PLCE1: variants seen among roughly 807,000 people sequenced by gnomAD.
PLCE1 encodes 1-phosphatidylinositol 4,5-bisphosphate phosphodiesterase epsilon-1.
Under a neutral mutation model 242.8 loss-of-function variants are expected in PLCE1, and 119 were observed. The ratio of observed to expected loss-of-function variants is 0.49; its 90% CI spans 0.42 to 0.57. The LOEUF (loss-of-function observed/expected upper bound fraction) is 0.57, where lower values mean the gene tolerates loss of function less well. Among genes scored for constraint, PLCE1 ranks in the 20% least tolerant of loss-of-function variants. PLCE1 has a pLI of 0.00. For synonymous variants in PLCE1, 945 were observed against 1,017.4 expected (o/e 0.93, Z 1.35); for missense variants, 2,441 against 2,788.8 (o/e 0.88, Z 2.81).
chr10:94,086,381 T>A (rs956343863), intron 2 of PLCE1, among the ~76,000 whole-genome samples: 2 of 152,220 alleles, frequency 1.3e-5, no homozygotes, highest in African/African-American at 4.8e-5. Context: ...TCTGATTTGC[T>A]TGTAAGCCAA....
At chr10:94,169,813 G>A (rs2047916738) in intron 3 of PLCE1, among the ~76,000 whole-genome samples, 1 of 152,186 alleles carries the variant, frequency 6.6e-6, no homozygotes, top group Admixed American at 6.5e-5. Context: ...GGAATGGATG[G>A]TTTGAGTCTG....
At chr10:94,184,924 A>T (rs139307056) in intron 4 of PLCE1, among the ~76,000 whole-genome samples, 170 of 152,246 alleles carry the variant, frequency 1.1e-3, no homozygotes, top group African/African-American at 3.9e-3. Flanking sequence ...TATGCATGGT[A>T]CCATCTATAT....
intron 28 of PLCE1, among the ~76,000 whole-genome samples, chr10:94,314,443 C>T (rs764882877): frequency 2.6e-5 from 4 of 152,060 alleles, no homozygotes; most frequent in Non-Finnish European, 5.9e-5. Flanking sequence ...ACTAAAAATA[C>T]AAATATTAGG....
intron 1 of PLCE1, among the ~76,000 whole-genome samples, chr10:94,020,605 A>C (rs189485291): frequency 6.6e-6 from 1 of 151,852 alleles, no homozygotes; most frequent in Non-Finnish European, 1.5e-5. Context: ...TTTAGCTTTT[A>C]TGTGTCGGAC....
chr10:94,295,257 C>T (rs777457595), intron 23 of PLCE1, among the ~76,000 whole-genome samples: 3 of 152,018 alleles, frequency 2.0e-5, no homozygotes, highest in Non-Finnish European at 2.9e-5. Flanking sequence ...TCTCAAACCC[C>T]ACTGCTGCTT....
chr10:94,161,724 G>C (rs918409001), intron 3 of PLCE1, among the ~76,000 whole-genome samples: 2 of 152,126 alleles, frequency 1.3e-5, no homozygotes, highest in African/African-American at 2.4e-5. Flanking sequence ...GGGCATCCCT[G>C]TCTTGTGCCA....
rs773797305 is a variant in PLCE1, at chr10:94,324,387, C to T, written c.6540C>T (p.Ser2180=). ...CKAKYSYSIL[S]NPNPSDYVLL... ...CCAAATATTCCTACAGCATCCTGAG[C>T]AACCCCAATCCAAGCGACTATGTGC... The change falls in exon 31 of 33, where the codon AGC becomes AGT. Residue 2180 remains serine (S), a synonymous_variant. Coordinates refer to ENST00000371380, the MANE Select transcript of PLCE1 (RefSeq NM_016341.4). 4 of 1,614,152 alleles carry T rather than the reference C, an allele frequency of 2.5e-6. No individual in the cohort carries two copies. The highest frequency in any genetic ancestry group is 8.5e-7 in the Non-Finnish European group (1 of 1,180,006).
At chr10:94,152,318 T>C (rs1466763413) in intron 3 of PLCE1, among the ~76,000 whole-genome samples, 1 of 152,236 alleles carries the variant, frequency 6.6e-6, no homozygotes, top group African/African-American at 2.4e-5. Flanking sequence ...ATTGCTAGAT[T>C]AGATACATCG....
At position 94,245,900 on chromosome 10, in the gene PLCE1, C is replaced by A. The variant is rs755806503; in HGVS notation, c.2421-46C>A. 8 of 1,483,446 alleles carry A rather than the reference C, an allele frequency of 5.4e-6. No homozygotes were observed. The Admixed American group carries it at 1.3e-4, about 25-fold the overall frequency. The allele number at this position is 1,483,446 out of a possible 1,614,324, so 91.9% of individuals were successfully genotyped here. A position where few individuals can be genotyped will look rare whatever the true frequency, so the allele number is the denominator to read the frequency against. On this transcript the variant is annotated intron_variant, in intron 7 of 32. Coordinates refer to ENST00000371380, the MANE Select transcript of PLCE1 (RefSeq NM_016341.4). ...TCAGTGAAAATGTCTTTGGGTTGTT[C>A]TCACTTGATTATAAGACAAACCAAA...
intron 1 of PLCE1, among the ~76,000 whole-genome samples, chr10:94,001,177 G>T (rs967191023): frequency 1.3e-5 from 2 of 152,174 alleles, no homozygotes; most frequent in Admixed American, 6.5e-5. Flanking sequence ...ACAAAACATA[G>T]ATAGGGTGCC....
intron 5 of PLCE1, among the ~76,000 whole-genome samples, chr10:94,230,769 T>C (rs2050116009): frequency 6.6e-6 from 1 of 152,016 alleles, no homozygotes; most frequent in Non-Finnish European, 1.5e-5. Flanking sequence ...ACCAGCACAA[T>C]GGCTATTTAA....
chr10:94,261,156 G>C (rs746170210), intron 13 of PLCE1, among the ~76,000 whole-genome samples: 4 of 151,842 alleles, frequency 2.6e-5, no homozygotes, highest in African/African-American at 9.7e-5. Context: ...TCCCCCCCGC[G>C]ACCTCCCTCC....
At chr10:94,303,340 T>C (rs1297554438) in intron 24 of PLCE1, among the ~76,000 whole-genome samples, 2 of 152,164 alleles carry the variant, frequency 1.3e-5, no homozygotes, top group African/African-American at 4.8e-5. Context: ...TTATACAGAC[T>C]TGCACCATCA....
intron 4 of PLCE1, among the ~76,000 whole-genome samples, chr10:94,210,355 C>T (rs1418523125): frequency 6.6e-6 from 1 of 152,146 alleles, no homozygotes; most frequent in Non-Finnish European, 1.5e-5. Context: ...GCCCCCATTC[C>T]TTCTGAGGAT....
chr10:94,016,495 C>T (rs984758135), intron 1 of PLCE1, among the ~76,000 whole-genome samples: 2 of 152,102 alleles, frequency 1.3e-5, no homozygotes, highest in African/African-American at 4.8e-5. Flanking sequence ...TGCAGTTTGA[C>T]TCTGACCAGT....
chr10:94,189,970 G>GAGTAGT (rs1398452045), intron 4 of PLCE1, among the ~76,000 whole-genome samples: 1 of 152,230 alleles, frequency 6.6e-6, no homozygotes, highest in Non-Finnish European at 1.5e-5. Context: ...AGGGGACTAA[G>GAGTAGT]AGTAGTTTCT....
At chr10:94,228,938 T>G (rs2050045887) in intron 5 of PLCE1, among the ~76,000 whole-genome samples, 1 of 152,070 alleles carries the variant, frequency 6.6e-6, no homozygotes, top group South Asian at 2.1e-4. Flanking sequence ...TCCCAGCACT[T>G]TGGGAGGCCA....
At chr10:94,210,469 A>T (rs564176069) in intron 4 of PLCE1, among the ~76,000 whole-genome samples, 1 of 152,272 alleles carries the variant, frequency 6.6e-6, no homozygotes, top group African/African-American at 2.4e-5. Context: ...GACCACCCTG[A>T]AGAAAACAAG....
intron 3 of PLCE1, among the ~76,000 whole-genome samples, chr10:94,150,389 T>C (rs1195941502): frequency 2.0e-5 from 3 of 152,208 alleles, no homozygotes; most frequent in Admixed American, 6.5e-5. Flanking sequence ...CCCCAAACTT[T>C]CCTGCCTCAG....
Sources: gnomAD v4.1 joint callset for allele counts (sites outside exome capture counted in the v4.1 genomes callset) on GRCh38, gnomAD v4.1.1 for gene constraint, MANE v1.5 for transcripts, NCBI Gene and HGNC (gene_info 2026-07-23, HGNC 2026-07-21) for gene names.